LBX2: variants seen among roughly 807,000 people sequenced by gnomAD.
LBX2 encodes the protein ladybird homeobox 2.
Under a neutral mutation model 7.5 loss-of-function variants are expected in LBX2, and 6 were observed. The observed-to-expected ratio is 0.80, with a 90% CI of 0.44 to 1.59. LBX2 has a LOEUF of 1.59. Among genes scored for constraint, LBX2 ranks in the 40% most tolerant of loss-of-function variants. The pLI is 0.01. For missense variants in LBX2, 281 were observed against 282.0 expected (o/e 1.00, Z 0.03); for synonymous variants, 143 against 133.2 (o/e 1.07, Z -0.51).
chr2:74,499,391 C>T lies in LBX2; in HGVS notation c.147G>A (p.Glu49=). 2 of 1,550,644 alleles carry T rather than the reference C, an allele frequency of 1.3e-6. No individual in the cohort carries two copies. The highest frequency in any genetic ancestry group is 2.0e-5 in the Admixed American group (1 of 51,014). ...PGPTSPLCAL[E]ELTSKTFRGL... is the part of the protein sequence containing the mutation. ...CGCGGAAAGTTTTACTAGTCAGCTCCTCCAGCGCGCACAGCGGCGACGTTG... is the reference window on the plus strand; with the variant it reads ...CGCGGAAAGTTTTACTAGTCAGCTCTTCCAGCGCGCACAGCGGCGACGTTG... Residue 49 remains glutamate (E), a synonymous_variant, in exon 1 of 2, where the codon GAG becomes GAA. Coordinates refer to ENST00000377566, the MANE Select transcript of LBX2 (RefSeq NM_001282430.2). This position sits in a 1 kb window ranked among gnomAD's most constrained non-coding sequence, Gnocchi z 4.6.
At chr2:74,502,344 A>C, upstream of LBX2, 1 of 367,702 alleles carries the variant, frequency 2.7e-6, no homozygotes, top group Non-Finnish European at 4.9e-6. The surrounding 1 kb of genome is among the most constrained non-coding windows in gnomAD (Gnocchi z 5.4). Context: ...GGCCTGCTCA[A>C]TAAACGACCT....
At chr2:74,498,955 C>A in intron 1 of LBX2, 1 of 272,380 alleles carries the variant, frequency 3.7e-6, no homozygotes, top group Non-Finnish European at 7.0e-6. Context: ...CGGAAAGACT[C>A]GACTCTCCAG....
At chr2:74,501,178 T>G (rs1158337978), upstream of LBX2, among the ~76,000 whole-genome samples, 3 of 151,932 alleles carry the variant, frequency 2.0e-5, no homozygotes, top group African/African-American at 7.3e-5. Flanking sequence ...AGCAACACAC[T>G]TAAAGGCTGA....
upstream of LBX2, chr2:74,502,372 G>GC (rs773546096): frequency 4.5e-6 from 2 of 442,820 alleles, no homozygotes; most frequent in Non-Finnish European, 8.0e-6. This position sits in a 1 kb window ranked among gnomAD's most constrained non-coding sequence, Gnocchi z 5.4. Context: ...CGGATTGCCG[G>GC]CCCGGACATT....
Position 74,499,026 on chromosome 2 carries a change from C to G in LBX2, c.205+307G>C, listed in dbSNP as rs1254767098. ...ACCGCCTGCGGCTGAAGCCTTTTGT[C>G]TCTTTCTCTCCTGCCTTTCTCTATC... On this transcript the variant is annotated intron_variant, in intron 1 of 1. Coordinates refer to ENST00000377566, the MANE Select transcript of LBX2 (RefSeq NM_001282430.2). The surrounding 1 kb of genome is among the most constrained non-coding windows in gnomAD (Gnocchi z 4.6). The G allele has an allele frequency of 4.5e-6, 2 of 446,876 alleles. No homozygotes were observed. The highest frequency in any genetic ancestry group is 4.0e-5 in the African/African-American group (2 of 50,102). The allele number at this position is 446,876 out of a possible 1,614,324, so 27.7% of individuals were successfully genotyped here. A position where few individuals can be genotyped will look rare whatever the true frequency, so the allele number is the denominator to read the frequency against.
In LBX2 at chr2:74,498,160, G is replaced by A. The variant is rs1188297625; in HGVS notation, c.364C>T (p.Leu122Phe). Residue 122 changes from leucine to phenylalanine, a missense_variant, in exon 2 of 2, where the codon CTC (leucine) becomes TTC (phenylalanine). Leu to Phe is a conservative substitution (Grantham distance 22). This residue lies in a region of LBX2 where 216 missense variants were observed against 208.7 expected (regional missense o/e 1.03). Coordinates refer to ENST00000377566, the MANE Select transcript of LBX2 (RefSeq NM_001282430.2). ...ACCACCTGCGCGTTGGCCAGGCCGAGTCGCGTAGCTAGCCCGTCTCGCTCG... is the reference window on the plus strand; with the variant it reads ...ACCACCTGCGCGTTGGCCAGGCCGAATCGCGTAGCTAGCCCGTCTCGCTCG... ...PSERDGLATR[L>F]GLANAQVVTW... 12 of 1,612,378 alleles carry A rather than the reference G, an allele frequency of 7.4e-6. No individual in the cohort carries two copies. Among genetic ancestry groups the A allele is most frequent in the East Asian group, 2.2e-5 (1 of 44,864 alleles).
upstream of LBX2, among the ~76,000 whole-genome samples, chr2:74,500,977 A>G (rs533646639): frequency 3.5e-4 from 53 of 152,282 alleles, no homozygotes; most frequent in African/African-American, 1.3e-3. Flanking sequence ...CCACCTGTCT[A>G]TTCCCTGGGG....
In LBX2 at chr2:74,498,023, C is replaced by T; in HGVS notation, c.501G>A (p.Leu167=). 1.2e-6 allele frequency: 2 copies of T among 1,612,624 alleles called. No individual in the cohort carries two copies. The highest frequency in any genetic ancestry group is 1.7e-6 in the Non-Finnish European group (2 of 1,179,020). Residue 167 remains leucine, a synonymous_variant, in exon 2 of 2, where the codon CTG becomes CTA. Coordinates refer to ENST00000377566, the MANE Select transcript of LBX2 (RefSeq NM_001282430.2). ...GGCCGGGATCTGGAGCGCCTTCGGG[C>T]AGTGCTAAGCTGCACAGGACTTCCG... ...LSPEVLCSLA[L]PEGAPDPGLC...
chr2:74,502,592 C>T (rs961303699), upstream of LBX2: 4 of 1,470,484 alleles, frequency 2.7e-6, no homozygotes, highest in Admixed American at 3.5e-5. This position sits in a 1 kb window ranked among gnomAD's most constrained non-coding sequence, Gnocchi z 5.4. Flanking sequence ...CCGTCCCGCA[C>T]ACTTCTGGGA....
upstream of LBX2, chr2:74,499,717 T>C (rs2104303590): frequency 3.1e-6 from 2 of 641,626 alleles, no homozygotes; most frequent in East Asian, 5.5e-5. The surrounding 1 kb of genome is among the most constrained non-coding windows in gnomAD (Gnocchi z 4.6). Context: ...GCGGTGGATC[T>C]GGAGCTCCTA....
upstream of LBX2, chr2:74,502,675 C>T (rs773257709): frequency 3.7e-6 from 6 of 1,613,944 alleles, no homozygotes; most frequent in South Asian, 6.6e-5. This position sits in a 1 kb window ranked among gnomAD's most constrained non-coding sequence, Gnocchi z 5.4. Flanking sequence ...ACTTTGGGGG[C>T]GGCAGGCCTG....
chr2:74,498,867 G>A (rs1234011686), intron 1 of LBX2: 1 of 202,966 alleles, frequency 4.9e-6, no homozygotes, highest in Non-Finnish European at 1.0e-5. Context: ...GGAATCCCGC[G>A]CCCAGTGCTG....
chr2:74,501,423 A>G (rs1203568113), upstream of LBX2: 1 of 152,254 alleles, frequency 6.6e-6, no homozygotes, highest in East Asian at 1.9e-4. Flanking sequence ...CACCAAGCAG[A>G]TGCTGCAACC....
upstream of LBX2, chr2:74,503,123 G>A (rs536555428): frequency 1.4e-5 from 6 of 435,962 alleles, no homozygotes; most frequent in African/African-American, 1.2e-4. This position sits in a 1 kb window ranked among gnomAD's most constrained non-coding sequence, Gnocchi z 5.1. Flanking sequence ...CAGGAGCGCC[G>A]CGCCGCGTCC....
At chr2:74,502,975 GT>G, upstream of LBX2, 5 of 872,564 alleles carry the variant, frequency 5.7e-6, no homozygotes, top group Non-Finnish European at 6.9e-6. This position sits in a 1 kb window ranked among gnomAD's most constrained non-coding sequence, Gnocchi z 5.4. Context: ...AATGGCGGGG[GT>G]GAGGAAGGTG....
chr2:74,503,092 G>A (rs866240783), upstream of LBX2: 58 of 480,182 alleles, frequency 1.2e-4, no homozygotes, highest in Middle Eastern at 1.6e-3. The surrounding 1 kb of genome is among the most constrained non-coding windows in gnomAD (Gnocchi z 5.1). Context: ...GGGTGGTCCT[G>A]CCGCCACCTC....
At position 74,498,326 on chromosome 2, in the gene LBX2, G is replaced by C; in HGVS notation, c.206-8C>G. Reference sequence around the variant, plus strand: ...CGTCCGGACCTGCCCGCCCTGTAGGGATAGGGAGGGGGTCAGTTTCCAGCC... The same window carrying C: ...CGTCCGGACCTGCCCGCCCTGTAGGCATAGGGAGGGGGTCAGTTTCCAGCC... On this transcript the variant is annotated splice_polypyrimidine_tract_variant and splice_region_variant and intron_variant, in intron 1 of 1. Coordinates refer to ENST00000377566, the MANE Select transcript of LBX2 (RefSeq NM_001282430.2). 6.6e-7 allele frequency: 1 copy of C among 1,503,818 alleles called. No individual in the cohort carries two copies. The highest frequency in any genetic ancestry group is 1.4e-5 in the African/African-American group (1 of 72,464). 93.2% of individuals were successfully genotyped at this position (1,503,818 alleles called of 1,614,324 possible). A position where few individuals can be genotyped will look rare whatever the true frequency, so the allele number is the denominator to read the frequency against.
rs1279192486 is a variant in LBX2, at chr2:74,497,816, G to A, written c.*111C>T. On this transcript the variant is annotated 3_prime_UTR_variant, in exon 2 of 2. Coordinates refer to ENST00000377566, the MANE Select transcript of LBX2 (RefSeq NM_001282430.2). ...AAGGTGAGCGTCTGGACTGTGGGCC[G>A]GAAGAGGCCCAAGTGGACCTCCTTC... 2.5e-6 allele frequency: 3 copies of A among 1,187,082 alleles called. No individual in the cohort carries two copies. The highest frequency in any genetic ancestry group is 2.3e-6 in the Non-Finnish European group (2 of 868,464). The allele number at this position is 1,187,082 out of a possible 1,614,324, so 73.5% of individuals were successfully genotyped here.
Position 74,499,140 on chromosome 2 carries a change from A to G in LBX2, c.205+193T>C, listed in dbSNP as rs1350320645. ...TCCCTTGGCACTGGCGGCCTTCCGGAGCCGCCGCGGAACCTAGGGACTAAC... is the reference window on the plus strand; with the variant it reads ...TCCCTTGGCACTGGCGGCCTTCCGGGGCCGCCGCGGAACCTAGGGACTAAC... On this transcript the variant is annotated intron_variant, in intron 1 of 1. Transcript: ENST00000377566. This position sits in a 1 kb window ranked among gnomAD's most constrained non-coding sequence, Gnocchi z 4.6. 6.5e-6 allele frequency: 4 copies of G among 612,110 alleles called. No homozygotes were observed. The highest frequency in any genetic ancestry group is 5.9e-5 in the Admixed American group (2 of 34,048). 37.9% of individuals were successfully genotyped at this position (612,110 alleles called of 1,614,324 possible).
Sources: gnomAD v4.1 joint callset for allele counts (sites outside exome capture counted in the v4.1 genomes callset) on GRCh38, gnomAD v4.1.1 for gene constraint, gnomAD v4.1.1 regional missense constraint, Gnocchi (gnomAD v3.1) non-coding constraint, MANE v1.5 for transcripts, NCBI Gene and HGNC (gene_info 2026-07-23, HGNC 2026-07-21) for gene names.